The following SH3GL2 variants were observed in gnomAD, a reference collection of about 807,000 sequenced individuals.
SH3GL2 encodes the protein SH3 domain containing GRB2 like 2, endophilin A1, also known as endophilin-A1.
Under a neutral mutation model 46.0 loss-of-function variants are expected in SH3GL2, and 24 were observed. The observed-to-expected ratio is 0.52, with a 90% CI of 0.38 to 0.73. The LOEUF (loss-of-function observed/expected upper bound fraction) is 0.73. Among genes scored for constraint, SH3GL2 ranks in the 30% least tolerant of loss-of-function variants. The probability of loss-of-function intolerance (pLI) is 0.00; values close to 1 mark genes in which losing one functional copy is unlikely to be tolerated. For synonymous variants in SH3GL2, 196 were observed against 147.1 expected, an observed-to-expected ratio of 1.33 and a Z score of -2.40; for missense variants, 413 against 424.2, an observed-to-expected ratio of 0.97 and a Z score of 0.23.
At position 17,796,750 on chromosome 9, in the gene SH3GL2, A is replaced by G. The variant is rs770943874; in HGVS notation, c.*1007A>G. 2 of 152,622 alleles carry G rather than the reference A, an allele frequency of 1.3e-5. No individual in the cohort carries two copies. The highest frequency in any genetic ancestry group is 1.9e-4 in the East Asian group (1 of 5,190). 9.5% of individuals were successfully genotyped at this position (152,622 alleles called of 1,614,324 possible). A position where few individuals can be genotyped will look rare whatever the true frequency, so the allele number is the denominator to read the frequency against. ...ATCATTTGTGCAGATTCTGCCCTCA[A>G]TGAGGACCAAATAAAGATGATTTTT... On this transcript the variant is annotated 3_prime_UTR_variant, in exon 9 of 9. Transcript: ENST00000380607.
intron 1 of SH3GL2, among the ~76,000 whole-genome samples, chr9:17,727,801 G>T (rs1401905841): frequency 1.3e-5 from 2 of 152,092 alleles, no homozygotes; most frequent in African/African-American, 4.8e-5. Flanking sequence ...TCCAGAACAT[G>T]CCCTTTACTG....
intron 3 of SH3GL2, among the ~76,000 whole-genome samples, chr9:17,776,980 T>C (rs1419230816): frequency 6.6e-6 from 1 of 152,014 alleles, no homozygotes; most frequent in Non-Finnish European, 1.5e-5. Flanking sequence ...CAAGAAAGAG[T>C]AGCTCCCACG....
chr9:17,723,206 A>G (rs1186269050), intron 1 of SH3GL2, among the ~76,000 whole-genome samples: 1 of 152,042 alleles, frequency 6.6e-6, no homozygotes, highest in East Asian at 1.9e-4. Context: ...CACCTTAAGT[A>G]TTTTTTATGT....
intron 1 of SH3GL2, among the ~76,000 whole-genome samples, chr9:17,632,144 T>C (rs1272786597): frequency 6.6e-6 from 1 of 152,140 alleles, no homozygotes. Context: ...GTGAATGCCA[T>C]TTGCTTTAAT....
intron 2 of SH3GL2, among the ~76,000 whole-genome samples, chr9:17,750,882 A>T (rs550558728): frequency 6.6e-6 from 1 of 152,156 alleles, no homozygotes; most frequent in Non-Finnish European, 1.5e-5. Context: ...TTTTTAAAAA[A>T]TTGTACGTAA....
chr9:17,693,589 A>G (rs148213326), intron 1 of SH3GL2, among the ~76,000 whole-genome samples: 1 of 152,284 alleles, frequency 6.6e-6, no homozygotes, highest in Non-Finnish European at 1.5e-5. Flanking sequence ...CACATATAAA[A>G]AGAAAGGCTG....
chr9:17,710,414 C>T (rs1346390539), intron 1 of SH3GL2, among the ~76,000 whole-genome samples: 1 of 151,824 alleles, frequency 6.6e-6, no homozygotes, highest in Admixed American at 6.6e-5. Flanking sequence ...GAATTCTAAG[C>T]CTTGGAGTGT....
intron 8 of SH3GL2, among the ~76,000 whole-genome samples, chr9:17,793,882 T>C (rs1171187892): frequency 1.3e-5 from 2 of 152,248 alleles, no homozygotes; most frequent in Non-Finnish European, 2.9e-5. Context: ...TGACAGTGAA[T>C]GCCCCTGGAC....
At chr9:17,680,057 C>T (rs1406091545) in intron 1 of SH3GL2, among the ~76,000 whole-genome samples, 4 of 152,028 alleles carry the variant, frequency 2.6e-5, no homozygotes, top group Admixed American at 6.6e-5. Context: ...ATTTTTGCAT[C>T]GATGTTCATC....
chr9:17,618,569 G>A (rs560257535), intron 1 of SH3GL2, among the ~76,000 whole-genome samples: 1 of 152,152 alleles, frequency 6.6e-6, no homozygotes, highest in African/African-American at 2.4e-5. Context: ...TTGATGTAAA[G>A]GTATTTATAG....
At position 17,589,873 on chromosome 9, in the gene SH3GL2, T is replaced by A. The variant is rs577546651; in HGVS notation, c.45+10586T>A. On this transcript the variant is annotated intron_variant, in intron 1 of 8. Coordinates refer to ENST00000380607, the MANE Select transcript of SH3GL2 (RefSeq NM_003026.5). The stretch of plus-strand genomic sequence containing the variant: ...CATTGTCTGTGATCCGTTAGCCCCA[T>A]GCTCTTTGACGTGATTCATGGATCC... 2.6e-5 allele frequency: 4 copies of A among 152,398 alleles called. No individual in the cohort carries two copies. In the East Asian group the frequency reaches 5.8e-4, roughly 22 times the overall value. 9.4% of individuals were successfully genotyped at this position (152,398 alleles called of 1,614,324 possible). A position where few individuals can be genotyped will look rare whatever the true frequency, so the allele number is the denominator to read the frequency against.
chr9:17,733,722 A>C (rs1474648143), intron 1 of SH3GL2, among the ~76,000 whole-genome samples: 1 of 152,156 alleles, frequency 6.6e-6, no homozygotes, highest in African/African-American at 2.4e-5. Context: ...AACCAATCCA[A>C]ATGTCCAACA....
At chr9:17,660,473 T>C (rs560306613) in intron 1 of SH3GL2, among the ~76,000 whole-genome samples, 1 of 152,230 alleles carries the variant, frequency 6.6e-6, no homozygotes, top group Non-Finnish European at 1.5e-5. Context: ...ATGAATGTTT[T>C]GGTTGAAAAG....
intron 1 of SH3GL2, among the ~76,000 whole-genome samples, chr9:17,636,861 G>A (rs1819555451): frequency 1.3e-5 from 2 of 152,036 alleles, no homozygotes; most frequent in Admixed American, 1.3e-4. Flanking sequence ...GTGTTTCCTG[G>A]GTGGTTTTCT....
At chr9:17,628,148 C>T (rs537732102) in intron 1 of SH3GL2, among the ~76,000 whole-genome samples, 13 of 152,182 alleles carry the variant, frequency 8.5e-5, no homozygotes, top group African/African-American at 2.7e-4. Context: ...CTTTAAAACA[C>T]GATTATATCA....
At chr9:17,694,241 G>A (rs1821151396) in intron 1 of SH3GL2, among the ~76,000 whole-genome samples, 1 of 152,092 alleles carries the variant, frequency 6.6e-6, no homozygotes, top group Non-Finnish European at 1.5e-5. Flanking sequence ...GTCTTGGGGG[G>A]CCTTAGGAAA....
intron 2 of SH3GL2, among the ~76,000 whole-genome samples, chr9:17,748,411 CT>C (rs1487013205): frequency 6.6e-6 from 1 of 151,992 alleles, no homozygotes; most frequent in Non-Finnish European, 1.5e-5. Flanking sequence ...TTTTAATATT[CT>C]GATTTTGATT....
chr9:17,718,890 A>G (rs769934974), intron 1 of SH3GL2, among the ~76,000 whole-genome samples: 10 of 152,100 alleles, frequency 6.6e-5, no homozygotes, highest in Non-Finnish European at 1.3e-4. Flanking sequence ...CATGTGATAT[A>G]AGGAGAATCG....
At chr9:17,724,860 T>C (rs1320910913) in intron 1 of SH3GL2, among the ~76,000 whole-genome samples, 1 of 152,154 alleles carries the variant, frequency 6.6e-6, no homozygotes, top group Non-Finnish European at 1.5e-5. Flanking sequence ...GAGTCACCCC[T>C]GGGTCTGCCT....
Sources: allele counts gnomAD v4.1 joint callset (sites outside exome capture counted in the v4.1 genomes callset), GRCh38; gene constraint gnomAD v4.1.1; transcripts MANE v1.5; gene names NCBI Gene and HGNC (gene_info 2026-07-23, HGNC 2026-07-21).